The following C4orf33 variants were observed in gnomAD, a reference collection of about 807,000 sequenced individuals.
The protein encoded by C4orf33 is chromosome 4 open reading frame 33.
C4orf33 carries 20 observed loss-of-function variants against 24.3 expected under a neutral mutation model. The ratio of observed to expected loss-of-function variants is 0.82; its 90% CI spans 0.58 to 1.19. The LOEUF (loss-of-function observed/expected upper bound fraction) is 1.19, where lower values mean the gene tolerates loss of function less well. C4orf33 is among the 50% of genes most tolerant of loss of function. The pLI is 0.00. For synonymous variants in C4orf33, 67 were observed against 76.4 expected, an observed-to-expected ratio of 0.88 and a Z score of 0.64; for missense variants, 207 against 225.9, an observed-to-expected ratio of 0.92 and a Z score of 0.54.
Position 129,112,550 on chromosome 4 carries a change from G to C in C4orf33, c.*759G>C, listed in dbSNP as rs933725207. ...GTTTTGTATTTTGATCTGGATGATG[G>C]TTATGTAGCTGCATATATTTGTCAA... On this transcript the variant is annotated 3_prime_UTR_variant, in exon 6 of 6. Coordinates refer to ENST00000425929, the MANE Select transcript of C4orf33 (RefSeq NM_001099783.2). The C allele has an allele frequency of 6.6e-6, 1 of 152,020 alleles. No individual in the cohort carries two copies. The highest frequency in any genetic ancestry group is 2.1e-4 in the South Asian group (1 of 4,832). The allele number at this position is 152,020 out of a possible 1,614,324, so 9.4% of individuals were successfully genotyped here.
chr4:129,102,671 A>C lies in C4orf33; in HGVS notation c.61A>C (p.Ile21Leu), dbSNP rs762481004. 1 of 1,614,156 alleles carries C rather than the reference A, an allele frequency of 6.2e-7. No homozygotes were observed. The highest frequency in any genetic ancestry group is 1.3e-5 in the African/African-American group (1 of 75,070). ...GFPVKHEPVF[I>L]RLNPGDRGVM... is the part of the protein sequence containing the mutation. Reference sequence around the variant, plus strand: ...TCCAGTGAAGCATGAGCCCGTATTTATCAGGCTGAATCCAGGTGACAGAGG... The same window carrying C: ...TCCAGTGAAGCATGAGCCCGTATTTCTCAGGCTGAATCCAGGTGACAGAGG... The change falls in exon 2 of 6, where the codon ATC becomes CTC. Residue 21 changes from isoleucine (I) to leucine (L), a missense_variant. By Grantham distance (5) the Ile-to-Leu change is conservative. Transcript: ENST00000425929.
At chr4:129,111,077 T>C (rs1428730553) in intron 5 of C4orf33, among the ~76,000 whole-genome samples, 2 of 152,230 alleles carry the variant, frequency 1.3e-5, no homozygotes, top group Middle Eastern at 3.2e-3. Flanking sequence ...CGATTATACA[T>C]TGGCCAGGAC....
chr4:129,100,259 G>A (rs753077756), intron 1 of C4orf33, among the ~76,000 whole-genome samples: 13 of 152,016 alleles, frequency 8.6e-5, no homozygotes, highest in Non-Finnish European at 1.8e-4. Context: ...CAAGGCCCAT[G>A]GACTACATGT....
In C4orf33 at chr4:129,115,584, T is replaced by G. The variant is rs565091150; in HGVS notation, c.*3793T>G. The G allele has an allele frequency of 1.0e-3, 158 of 152,118 alleles. No individual in the cohort carries two copies. The highest frequency in any genetic ancestry group is 3.7e-3 in the African/African-American group (154 of 41,496). 9.4% of individuals were successfully genotyped at this position (152,118 alleles called of 1,614,324 possible). A position where few individuals can be genotyped will look rare whatever the true frequency, so the allele number is the denominator to read the frequency against. On this transcript the variant is annotated 3_prime_UTR_variant, in exon 6 of 6. Transcript: ENST00000425929. ...GGTCTCCAGTAGGACTCCACTAGGG[T>G]CTTCAGTTACCTACAGTACTGATCA...
Position 129,113,763 on chromosome 4 carries a change from T to C in C4orf33, c.*1972T>C, listed in dbSNP as rs1473864774. 1.1e-5 allele frequency: 1 copy of C among 90,154 alleles called. No homozygotes were observed. The highest frequency in any genetic ancestry group is 2.8e-5 in the Non-Finnish European group (1 of 35,404). 5.6% of individuals were successfully genotyped at this position (90,154 alleles called of 1,614,324 possible). On this transcript the variant is annotated 3_prime_UTR_variant, in exon 6 of 6. Transcript: ENST00000425929. Reference sequence around the variant, plus strand: ...TTTTTTTAAACGTTAAAAAGGTTTTTTGCCACAGGAAAAAAAACATTTAAT... The same window carrying C: ...TTTTTTTAAACGTTAAAAAGGTTTTCTGCCACAGGAAAAAAAACATTTAAT...
intron 1 of C4orf33, among the ~76,000 whole-genome samples, chr4:129,101,275 G>A (rs994205494): frequency 6.6e-6 from 1 of 152,086 alleles, no homozygotes; most frequent in Non-Finnish European, 1.5e-5. Flanking sequence ...TGCTTAGCTC[G>A]TAGGAGGTTT....
rs185169775 is a variant in C4orf33, at chr4:129,102,848, A to T, written c.181+57A>T. On this transcript the variant is annotated intron_variant, in intron 2 of 5. Coordinates refer to ENST00000425929, the MANE Select transcript of C4orf33 (RefSeq NM_001099783.2). Reference sequence around the variant, plus strand: ...ATAAATCTTCTTATAATAACCTCTCACAGAACTATTATTTTATCTTGCTGT... The same window carrying T: ...ATAAATCTTCTTATAATAACCTCTCTCAGAACTATTATTTTATCTTGCTGT... 4 of 1,457,454 alleles carry T rather than the reference A, an allele frequency of 2.7e-6. No individual in the cohort carries two copies. The East Asian group carries it at 6.9e-5, about 25-fold the overall frequency. 90.3% of individuals were successfully genotyped at this position (1,457,454 alleles called of 1,614,324 possible).
chr4:129,101,850 A>G (rs562603674), intron 1 of C4orf33, among the ~76,000 whole-genome samples: 2 of 152,294 alleles, frequency 1.3e-5, no homozygotes, highest in African/African-American at 4.8e-5. Flanking sequence ...CCCATTTTTC[A>G]GTTGGAGAGA....
At position 129,115,548 on chromosome 4, in the gene C4orf33, A is replaced by G. The variant is rs964995460; in HGVS notation, c.*3757A>G. 3.9e-5 allele frequency: 6 copies of G among 152,086 alleles called. No individual in the cohort carries two copies. Among genetic ancestry groups the G allele is most frequent in the African/African-American group, 1.2e-4 (5 of 41,414 alleles). 9.4% of individuals were successfully genotyped at this position (152,086 alleles called of 1,614,324 possible). A position where few individuals can be genotyped will look rare whatever the true frequency, so the allele number is the denominator to read the frequency against. ...GACAATTCTGAAGTGCATTCTGTATAGTTCCTTAGTGGTCTCCAGTAGGAC... is the reference window on the plus strand; with the variant it reads ...GACAATTCTGAAGTGCATTCTGTATGGTTCCTTAGTGGTCTCCAGTAGGAC... On this transcript the variant is annotated 3_prime_UTR_variant, in exon 6 of 6. Transcript: ENST00000425929.
intron 2 of C4orf33, among the ~76,000 whole-genome samples, chr4:129,104,943 T>C (rs914300223): frequency 9.6e-5 from 14 of 145,700 alleles, no homozygotes; most frequent in African/African-American, 3.4e-4. Flanking sequence ...AAGCAGAAGA[T>C]ATATATGTGC....
intron 2 of C4orf33, among the ~76,000 whole-genome samples, chr4:129,105,476 A>G (rs1169291715): frequency 6.6e-6 from 1 of 152,224 alleles, no homozygotes; most frequent in Non-Finnish European, 1.5e-5. Context: ...TAACTATCAC[A>G]GTAGACATTC....
At chr4:129,106,811 G>C (rs958278842) in intron 3 of C4orf33, among the ~76,000 whole-genome samples, 164 bp downstream of exon 3, 30 of 151,630 alleles carry the variant, frequency 2.0e-4, no homozygotes, top group Non-Finnish European at 3.5e-4. Flanking sequence ...CAAGTACAGA[G>C]CACATATTTA....
At chr4:129,095,872 G>C (rs545972907), upstream of C4orf33, among the ~76,000 whole-genome samples, 9 of 152,230 alleles carry the variant, frequency 5.9e-5, no homozygotes, top group Admixed American at 2.6e-4. Context: ...TGGCCAGTTA[G>C]CCTTTAGTTG....
chr4:129,105,830 T>G (rs907707286), intron 2 of C4orf33, among the ~76,000 whole-genome samples: 1 of 152,144 alleles, frequency 6.6e-6, no homozygotes, highest in Non-Finnish European at 1.5e-5. Flanking sequence ...AATAGCAATA[T>G]TCAGAAATTT....
Position 129,114,764 on chromosome 4 carries a change from A to G in C4orf33, c.*2973A>G, listed in dbSNP as rs1753748026. The G allele has an allele frequency of 6.6e-6, 1 of 152,210 alleles. No individual in the cohort carries two copies. Among genetic ancestry groups the G allele is most frequent in the African/African-American group, 2.4e-5 (1 of 41,434 alleles). 9.4% of individuals were successfully genotyped at this position (152,210 alleles called of 1,614,324 possible). A position where few individuals can be genotyped will look rare whatever the true frequency, so the allele number is the denominator to read the frequency against. On this transcript the variant is annotated 3_prime_UTR_variant, in exon 6 of 6. Coordinates refer to ENST00000425929, the MANE Select transcript of C4orf33 (RefSeq NM_001099783.2). Reference sequence around the variant, plus strand: ...GAAGCTATGAAAGCCATCTAGTCATAATGACTCTTCGTGTCAACTGTTCAG... The same window carrying G: ...GAAGCTATGAAAGCCATCTAGTCATGATGACTCTTCGTGTCAACTGTTCAG...
At chr4:129,097,398 T>C (rs1393677070) in intron 1 of C4orf33, among the ~76,000 whole-genome samples, 9 of 152,218 alleles carry the variant, frequency 5.9e-5, no homozygotes, top group Non-Finnish European at 2.9e-5. Context: ...TTTCCTGAGA[T>C]AGTGTATGCC....
chr4:129,113,589 G>A lies in C4orf33; in HGVS notation c.*1798G>A, dbSNP rs930595748. On this transcript the variant is annotated 3_prime_UTR_variant, in exon 6 of 6. Transcript: ENST00000425929. Reference sequence around the variant, plus strand: ...TGTGATTTGAATTGTTCACTGCAGTGTCAAGCAGATTCTCTCTTCTCACCA... The same window carrying A: ...TGTGATTTGAATTGTTCACTGCAGTATCAAGCAGATTCTCTCTTCTCACCA... 1 of 68,774 alleles carries A rather than the reference G, an allele frequency of 1.5e-5. No homozygotes were observed. Among genetic ancestry groups the A allele is most frequent in the East Asian group, 4.7e-4 (1 of 2,106 alleles). 4.3% of individuals were successfully genotyped at this position (68,774 alleles called of 1,614,324 possible).
At chr4:129,102,088 A>G (rs1332288512) in intron 1 of C4orf33, 1 of 152,180 alleles carries the variant, frequency 6.6e-6, no homozygotes, top group African/African-American at 2.4e-5. Context: ...ATTTTATTAT[A>G]AAGATCTTGA....
intron 3 of C4orf33, 43 bp from the exon 4 acceptor site, chr4:129,109,264 T>C: frequency 6.4e-7 from 1 of 1,551,612 alleles, no homozygotes; most frequent in Non-Finnish European, 8.9e-7. Context: ...GAAAATAACA[T>C]TCATGTTTTT....
Sources: gnomAD v4.1 joint callset for allele counts (sites outside exome capture counted in the v4.1 genomes callset) on GRCh38, gnomAD v4.1.1 for gene constraint, MANE v1.5 for transcripts, NCBI Gene and HGNC (gene_info 2026-07-23, HGNC 2026-07-21) for gene names.